TTC27: variants seen among roughly 807,000 people sequenced by gnomAD.
The protein encoded by TTC27 is tetratricopeptide repeat domain 27, also known as tetratricopeptide repeat protein 27.
TTC27 carries 79 observed loss-of-function variants against 115.9 expected under a neutral mutation model. That is an observed-to-expected ratio of 0.68 (90% CI 0.57 to 0.82). The LOEUF is 0.82. TTC27 is among the 40% of genes least tolerant of loss of function. The probability of loss-of-function intolerance (pLI) is 0.00; values close to 1 mark genes in which losing one functional copy is unlikely to be tolerated. For missense variants in TTC27, 1,054 were observed against 993.1 expected (o/e 1.06, Z -0.82); for synonymous variants, 401 against 356.0 (o/e 1.13, Z -1.42).
At chr2:32,671,701 A>T (rs1343118910) in intron 7 of TTC27, among the ~76,000 whole-genome samples, 1 of 152,194 alleles carries the variant, frequency 6.6e-6, no homozygotes, top group Admixed American at 6.5e-5. Context: ...TTTTAGAATG[A>T]GCTTGTCACA....
intron 13 of TTC27, among the ~76,000 whole-genome samples, chr2:32,774,538 C>T (rs745594924): frequency 3.3e-5 from 5 of 152,120 alleles, no homozygotes; most frequent in African/African-American, 7.2e-5. Flanking sequence ...TAGCACTGGA[C>T]GAGAAGATAG....
intron 5 of TTC27, among the ~76,000 whole-genome samples, chr2:32,659,159 C>G (rs899782778): frequency 7.2e-5 from 11 of 151,942 alleles, no homozygotes; most frequent in Admixed American, 7.2e-4. Flanking sequence ...TGAGATGAGT[C>G]CACTCTATGT....
At chr2:32,629,601 A>AT (rs367775246) in intron 1 of TTC27, among the ~76,000 whole-genome samples, 1,901 of 148,962 alleles carry the variant, frequency 0.013, 15 homozygotes, top group Middle Eastern at 0.029. Flanking sequence ...CGACCAGCTA[A>AT]TTTTTTTTTT....
intron 16 of TTC27, among the ~76,000 whole-genome samples, chr2:32,810,596 G>C (rs1487532915): frequency 2.0e-5 from 3 of 152,186 alleles, no homozygotes; most frequent in Non-Finnish European, 4.4e-5. Flanking sequence ...AGGGATATTG[G>C]TGTAACCTGT....
At chr2:32,680,287 T>G (rs993296464) in intron 9 of TTC27, among the ~76,000 whole-genome samples, 3 of 151,854 alleles carry the variant, frequency 2.0e-5, no homozygotes, top group Non-Finnish European at 4.4e-5. Flanking sequence ...AAAAAACATA[T>G]TATGTACTTT....
chr2:32,784,164 G>A (rs996581120), intron 15 of TTC27, among the ~76,000 whole-genome samples: 3 of 152,160 alleles, frequency 2.0e-5, no homozygotes, highest in South Asian at 4.1e-4. Flanking sequence ...GGATAAGTTT[G>A]TACATAGTGA....
At chr2:32,681,529 T>G (rs1346460498) in intron 9 of TTC27, among the ~76,000 whole-genome samples, 1 of 152,142 alleles carries the variant, frequency 6.6e-6, no homozygotes, top group Admixed American at 6.6e-5. Flanking sequence ...TTTGGCGATT[T>G]TTTGAATTTG....
chr2:32,756,075 C>T (rs1157283663), intron 12 of TTC27, among the ~76,000 whole-genome samples: 1 of 152,226 alleles, frequency 6.6e-6, no homozygotes, highest in African/African-American at 2.4e-5. Context: ...CACACATTTC[C>T]ATTTGCCCCA....
chr2:32,741,652 A>G (rs4952268), intron 12 of TTC27, among the ~76,000 whole-genome samples: 3 of 66,994 alleles, frequency 4.5e-5, no homozygotes, highest in African/African-American at 1.6e-4. Context: ...AATCCAATAA[A>G]AAAAACAAAA....
Position 32,650,158 on chromosome 2 carries a change from G to A in TTC27, c.565G>A (p.Val189Met), listed in dbSNP as rs772588671. ...CTTGCCATGGTGGACTTTGAGATGT[G>A]TGAATATTCATCAGCATTTGCTTGA... ...QSLPWWTLRC[V>M]NIHQHLLEER... The change falls in exon 5 of 20, where the codon GTG (valine) becomes ATG (methionine). Residue 189 changes from valine (V) to methionine (M), a missense_variant. Transcript: ENST00000317907. 6.2e-7 allele frequency: 1 copy of A among 1,613,814 alleles called. No individual in the cohort carries two copies.
At chr2:32,717,172 C>T (rs1667781317) in intron 10 of TTC27, among the ~76,000 whole-genome samples, 1 of 151,882 alleles carries the variant, frequency 6.6e-6, no homozygotes, top group Non-Finnish European at 1.5e-5. Context: ...CAGGGTCCTA[C>T]TACATTGCCC....
intron 9 of TTC27, among the ~76,000 whole-genome samples, chr2:32,692,415 G>A (rs774226755): frequency 2.6e-5 from 4 of 152,028 alleles, no homozygotes; most frequent in Admixed American, 1.3e-4. Flanking sequence ...CCGGGGGCTG[G>A]GGGAAGGGGG....
intron 4 of TTC27, among the ~76,000 whole-genome samples, chr2:32,647,428 A>G (rs531864779): frequency 6.6e-6 from 1 of 152,338 alleles, no homozygotes; most frequent in South Asian, 2.1e-4. Flanking sequence ...AAAATGACGC[A>G]ACACCTCAGG....
intron 9 of TTC27, among the ~76,000 whole-genome samples, chr2:32,701,829 A>T (rs1452074498): frequency 6.6e-6 from 1 of 151,976 alleles, no homozygotes; most frequent in Non-Finnish European, 1.5e-5. Flanking sequence ...ACATAGCGAG[A>T]TCCTGTCTCT....
chr2:32,769,973 T>A (rs1669773319), intron 13 of TTC27, among the ~76,000 whole-genome samples: 1 of 152,070 alleles, frequency 6.6e-6, no homozygotes, highest in African/African-American at 2.4e-5. Flanking sequence ...GGTGGCCTTG[T>A]AAATAAGGAT....
At chr2:32,712,450 C>T (rs896296820) in intron 10 of TTC27, among the ~76,000 whole-genome samples, 2 of 152,130 alleles carry the variant, frequency 1.3e-5, no homozygotes, top group African/African-American at 4.8e-5. Context: ...AGATTATATT[C>T]TTCAGTAATC....
At chr2:32,798,327 G>A (rs746014624) in intron 16 of TTC27, among the ~76,000 whole-genome samples, 20 of 151,940 alleles carry the variant, frequency 1.3e-4, no homozygotes, top group Non-Finnish European at 2.9e-4. Context: ...GTGGACCCAG[G>A]AGGTGGAGCT....
intron 13 of TTC27, among the ~76,000 whole-genome samples, chr2:32,760,385 C>T (rs1242185450): frequency 6.6e-6 from 1 of 152,260 alleles, no homozygotes; most frequent in East Asian, 1.9e-4. Flanking sequence ...TGGCAACTCA[C>T]GTAGTCATTT....
chr2:32,643,835 C>T (rs966797657), intron 4 of TTC27, among the ~76,000 whole-genome samples: 7 of 151,320 alleles, frequency 4.6e-5, no homozygotes, highest in African/African-American at 7.3e-5. Context: ...AGGAGTTCGA[C>T]ACCAGTCTGG....
Sources: allele counts gnomAD v4.1 joint callset (sites outside exome capture counted in the v4.1 genomes callset), GRCh38; gene constraint gnomAD v4.1.1; transcripts MANE v1.5; gene names NCBI Gene and HGNC (gene_info 2026-07-23, HGNC 2026-07-21).